ASRGL1: variants seen among roughly 807,000 people sequenced by gnomAD.
ASRGL1 encodes isoaspartyl peptidase/L-asparaginase.
Under a neutral mutation model 22.4 loss-of-function variants are expected in ASRGL1, and 16 were observed. The ratio of observed to expected loss-of-function variants is 0.71; its 90% CI spans 0.48 to 1.08. The LOEUF is 1.08. Ranked by LOEUF, ASRGL1 falls within the 50% of genes least tolerant of loss-of-function variation. ASRGL1 has a pLI of 0.00. For missense variants in ASRGL1, 412 were observed against 410.1 expected, an observed-to-expected ratio of 1.00 and a Z score of -0.04; for synonymous variants, 165 against 159.3, an observed-to-expected ratio of 1.04 and a Z score of -0.27.
chr11:62,362,744 TTA>T (rs1212504944), intron 4 of ASRGL1, among the ~76,000 whole-genome samples: 7 of 105,554 alleles, frequency 6.6e-5, no homozygotes, highest in Non-Finnish European at 9.0e-5. Context: ...ATAATATATA[TTA>T]TATATATAAA....
At chr11:62,364,179 T>A (rs1410070340) in intron 4 of ASRGL1, among the ~76,000 whole-genome samples, 9 of 100,452 alleles carry the variant, frequency 9.0e-5, no homozygotes, top group African/African-American at 1.4e-4. Context: ...AAAAAAAAAA[T>A]CAGTACTCGC....
rs888683945 is a variant in ASRGL1, at chr11:62,360,271, G to A, written c.491+3127G>A. Among the ~76,000 whole-genome samples the A allele has an allele frequency of 8.0e-5, 12 of 150,908 alleles. No individual in the cohort carries two copies. The South Asian group carries it at 2.1e-3, about 26-fold the overall frequency. On this transcript the variant is annotated intron_variant, in intron 4 of 6. Coordinates refer to ENST00000415229, the MANE Select transcript of ASRGL1 (RefSeq NM_001083926.2). ...TCGAACTCCTGACCTCAGGTGATCC[G>A]CCCACCTCGGCCTCCCAAAGTGCTA... is the stretch of plus-strand genomic sequence containing the variant.
chr11:62,341,638 AC>A (rs1181582829), intron 2 of ASRGL1, among the ~76,000 whole-genome samples: 1 of 152,174 alleles, frequency 6.6e-6, no homozygotes, highest in East Asian at 1.9e-4. Context: ...CTGAGATACA[AC>A]CAGGTTTAGA....
chr11:62,368,058 C>G (rs1221102422), intron 4 of ASRGL1, among the ~76,000 whole-genome samples: 1 of 152,174 alleles, frequency 6.6e-6, no homozygotes. Context: ...GTAGCTCCCC[C>G]TATCTGCGGT....
In ASRGL1 at chr11:62,338,056, A is replaced by C; in HGVS notation, c.79A>C (p.Met27Leu). ...KDRKERVHQG[M>L]VRAATVGYGI... ...TCGGAAGGAGCGAGTGCACCAGGGC[A>C]TGGTCAGAGCCGCCACCGTGGGCTA... The change falls in exon 2 of 7, where the codon ATG (methionine) becomes CTG (leucine). Residue 27 changes from methionine to leucine, a missense_variant. Physicochemically the swap from Met to Leu is conservative, Grantham distance 15. Transcript: ENST00000415229. 1 of 1,608,394 alleles carries C rather than the reference A, an allele frequency of 6.2e-7. No homozygotes were observed. The highest frequency in any genetic ancestry group is 8.5e-7 in the Non-Finnish European group (1 of 1,177,882).
At chr11:62,396,340 ACCCCACCCCACAT>A (rs559658374), downstream of ASRGL1, among the ~76,000 whole-genome samples, 1,163 of 151,648 alleles carry the variant, frequency 7.7e-3, 4 homozygotes, top group Non-Finnish European at 0.012. Flanking sequence ...TTTCCACCTC[ACCCCACCCCACAT>A]CCACACCCCC....
chr11:62,342,107 A>G (rs531619276), intron 2 of ASRGL1, among the ~76,000 whole-genome samples: 93 of 152,292 alleles, frequency 6.1e-4, no homozygotes, highest in African/African-American at 2.0e-3. Context: ...TCCGGTTTCT[A>G]TTGGCTGAAA....
intron 2 of ASRGL1, among the ~76,000 whole-genome samples, chr11:62,354,733 T>C (rs1946239394): frequency 6.6e-6 from 1 of 152,088 alleles, no homozygotes; most frequent in African/African-American, 2.4e-5. Context: ...GAATTTTCCA[T>C]TTAATAATTT....
chr11:62,372,284 G>C, intron 4 of ASRGL1: 1 of 1,601,914 alleles, frequency 6.2e-7, no homozygotes, highest in Non-Finnish European at 8.5e-7. Flanking sequence ...CCGTGTTTGC[G>C]TTTGGGGAAA....
chr11:62,355,470 C>T (rs1016842383), intron 2 of ASRGL1, among the ~76,000 whole-genome samples: 18 of 151,878 alleles, frequency 1.2e-4, no homozygotes, highest in African/African-American at 3.6e-4. Flanking sequence ...ATGATCTGCC[C>T]GCCTCGGCCT....
At chr11:62,338,423 T>A (rs1432434254) in intron 2 of ASRGL1, 5 of 427,098 alleles carry the variant, frequency 1.2e-5, no homozygotes, top group African/African-American at 8.2e-5. Flanking sequence ...TGAGAATGTG[T>A]GCTTCTGGAG....
intron 4 of ASRGL1, among the ~76,000 whole-genome samples, chr11:62,375,549 C>A (rs1295067003): frequency 2.8e-5 from 4 of 145,294 alleles, no homozygotes; most frequent in Admixed American, 7.1e-5. Context: ...AAAAAATAAA[C>A]ATCCTGGTGC....
At chr11:62,350,213 T>G (rs1946137442) in intron 2 of ASRGL1, among the ~76,000 whole-genome samples, 1 of 152,230 alleles carries the variant, frequency 6.6e-6, no homozygotes, top group Non-Finnish European at 1.5e-5. Context: ...TGGAAATGGC[T>G]TTTCTCATTC....
chr11:62,388,312 G>A (rs902698152), intron 4 of ASRGL1, among the ~76,000 whole-genome samples: 3 of 152,152 alleles, frequency 2.0e-5, no homozygotes, highest in South Asian at 2.1e-4. Context: ...TGATCTTTAC[G>A]ACAACCCCAT....
At chr11:62,355,165 C>T (rs545451489) in intron 2 of ASRGL1, among the ~76,000 whole-genome samples, 9 of 152,084 alleles carry the variant, frequency 5.9e-5, no homozygotes, top group African/African-American at 2.2e-4. Context: ...TGATCCGCCT[C>T]GGCCTCCCAA....
rs150419731 is a variant in ASRGL1, at chr11:62,342,844, C to A, written c.190+4677C>A. Among the ~76,000 whole-genome samples, 4 of 152,060 alleles carry A rather than the reference C, an allele frequency of 2.6e-5. No individual in the cohort carries two copies. In the East Asian group the frequency reaches 7.7e-4, roughly 29 times the overall value. Reference sequence around the variant, plus strand: ...GTTAACATAATACATTAAAGTGTTACCCGTGTAGACGTGGATATCAGTAGT... The same window carrying A: ...GTTAACATAATACATTAAAGTGTTAACCGTGTAGACGTGGATATCAGTAGT... On this transcript the variant is annotated intron_variant, in intron 2 of 6. Transcript: ENST00000415229.
At chr11:62,391,446 A>C in intron 5 of ASRGL1, 76 bp from the exon 6 acceptor site, 1 of 1,519,096 alleles carries the variant, frequency 6.6e-7, no homozygotes, top group Non-Finnish European at 8.9e-7. Flanking sequence ...TTTAACTTTC[A>C]TGTAGCGTCC....
At position 62,353,343 on chromosome 11, in the gene ASRGL1, C is replaced by CTT. The variant is rs35136967; in HGVS notation, c.191-2967_191-2966dup. Among the ~76,000 whole-genome samples, 157 of 135,920 alleles carry CTT rather than the reference C, an allele frequency of 1.2e-3. 1 individual carries two copies. Among genetic ancestry groups the CTT allele is most frequent in the South Asian group, 3.3e-3 (14 of 4,232 alleles). 89.2% of individuals were successfully genotyped at this position (135,920 alleles called of 152,430 possible). ...AGTTCATTGAAGCATTTTTATGATG[C>CTT]TTTTTTTTTTTTTTTTAAAGGGACA... is the stretch of plus-strand genomic sequence containing the variant. On this transcript the variant is annotated intron_variant, in intron 2 of 6. Coordinates refer to ENST00000415229, the MANE Select transcript of ASRGL1 (RefSeq NM_001083926.2).
downstream of ASRGL1, among the ~76,000 whole-genome samples, chr11:62,393,684 A>T (rs564667382): frequency 4.3e-4 from 66 of 152,316 alleles, no homozygotes; most frequent in South Asian, 7.7e-3. Context: ...AAACCTCAAC[A>T]TGCAACAACT....
Sources: allele counts gnomAD v4.1 joint callset (sites outside exome capture counted in the v4.1 genomes callset), GRCh38; gene constraint gnomAD v4.1.1; transcripts MANE v1.5; gene names NCBI Gene and HGNC (gene_info 2026-07-23, HGNC 2026-07-21).